KATNB1: variants seen among roughly 807,000 people sequenced by gnomAD.
The protein encoded by KATNB1 is katanin regulatory subunit B1.
Under a neutral mutation model 82.3 loss-of-function variants are expected in KATNB1, and 38 were observed. That is an observed-to-expected ratio of 0.46 (90% CI 0.36 to 0.61). KATNB1 has a LOEUF of 0.61. KATNB1 is among the 20% of genes least tolerant of loss of function. The probability of loss-of-function intolerance (pLI) is 0.00; values close to 1 mark genes in which losing one functional copy is unlikely to be tolerated. For synonymous variants in KATNB1, 361 were observed against 368.7 expected (o/e 0.98, Z 0.24); for missense variants, 749 against 915.7 (o/e 0.82, Z 2.35).
At chr16:57,739,628 T>TGC (rs1313653194) in intron 2 of KATNB1, among the ~76,000 whole-genome samples, 2 of 152,200 alleles carry the variant, frequency 1.3e-5, no homozygotes, top group Non-Finnish European at 2.9e-5. Flanking sequence ...TGCAGGTGCC[T>TGC]GTGCTGTGTC....
chr16:57,754,530 G>T (rs1224296131), intron 13 of KATNB1, among the ~76,000 whole-genome samples: 1 of 152,188 alleles, frequency 6.6e-6, no homozygotes, highest in Non-Finnish European at 1.5e-5. Flanking sequence ...GTTGGAGAAC[G>T]GGCAGGCATG....
At chr16:57,755,593 G>A (rs1489383157) in intron 16 of KATNB1, 99 bp downstream of exon 16, 7 of 1,464,436 alleles carry the variant, frequency 4.8e-6, no homozygotes, top group Non-Finnish European at 6.5e-6. Flanking sequence ...CACCCATGGG[G>A]GACAGTGTGG....
chr16:57,738,961 G>A (rs972039134), intron 2 of KATNB1, among the ~76,000 whole-genome samples: 4 of 144,730 alleles, frequency 2.8e-5, no homozygotes, highest in Non-Finnish European at 6.1e-5. Context: ...TAGCTGGGGG[G>A]TAGGGGTAGG....
intron 2 of KATNB1, 131 bp from the exon 3 acceptor site, chr16:57,741,556 G>T (rs531141747): frequency 2.8e-5 from 26 of 926,968 alleles, no homozygotes; most frequent in Admixed American, 6.8e-5. Context: ...GACACCAAAG[G>T]GGGAGCTGAA....
At chr16:57,753,549 C>T (rs781960514) in intron 12 of KATNB1, 30 bp downstream of exon 12, 10 of 1,608,576 alleles carry the variant, frequency 6.2e-6, no homozygotes, top group African/African-American at 1.3e-5. Flanking sequence ...CCCAGCCCAG[C>T]GTCCCCATCG....
At chr16:57,746,866 C>T (rs1490300864) in intron 4 of KATNB1, among the ~76,000 whole-genome samples, 1 of 152,092 alleles carries the variant, frequency 6.6e-6, no homozygotes, top group Non-Finnish European at 1.5e-5. Context: ...AAATAAGACC[C>T]GTTTGCCTGA....
chr16:57,739,924 G>A (rs1195811707), intron 2 of KATNB1, among the ~76,000 whole-genome samples: 2 of 152,090 alleles, frequency 1.3e-5, no homozygotes, highest in African/African-American at 4.8e-5. Flanking sequence ...GGCCCAGCCA[G>A]ACACTTTCCC....
In KATNB1 at chr16:57,751,736, C is replaced by T. The variant is rs782231856; in HGVS notation, c.516+12C>T. ...ACCACACCGTGAAGGTAGCTCCCGG[C>T]CTGACCTGGGCCCAGGGGCTGGGGG... On this transcript the variant is annotated intron_variant, in intron 7 of 19. Transcript: ENST00000379661. This position sits in a 1 kb window ranked among gnomAD's most constrained non-coding sequence, Gnocchi z 6.3. The T allele has an allele frequency of 2.5e-6, 4 of 1,607,552 alleles. No homozygotes were observed. The African/African-American group carries it at 5.3e-5, about 21-fold the overall frequency.
chr16:57,755,858 T>C lies in KATNB1; in HGVS notation c.1584T>C (p.Ala528=). ...MGDIKTSVDS[A]VAINDLSVVV... ...TTGCACAGACGTCGGTGGACTCCGC[T>C]GTGGCCATCAACGACCTGTCGGTGG... Residue 528 remains alanine (A), a synonymous_variant, in exon 17 of 20, where the codon GCT becomes GCC. Coordinates refer to ENST00000379661, the MANE Select transcript of KATNB1 (RefSeq NM_005886.3). 2 of 1,593,842 alleles carry C rather than the reference T, an allele frequency of 1.3e-6. No individual in the cohort carries two copies. The highest frequency in any genetic ancestry group is 1.7e-6 in the Non-Finnish European group (2 of 1,164,424).
Position 57,752,945 on chromosome 16 carries a change from A to G in KATNB1, c.855+17A>G. 6.3e-7 allele frequency: 1 copy of G among 1,599,456 alleles called. No individual in the cohort carries two copies. Among genetic ancestry groups the G allele is most frequent in the Non-Finnish European group, 8.5e-7 (1 of 1,178,868 alleles). ...GACCAGTTGGTGAGAGAGCCATGGC[A>G]CCCACCGCCCCCCACTCCCACAGGG... On this transcript the variant is annotated intron_variant, in intron 10 of 19. Transcript: ENST00000379661.
chr16:57,754,586 G>A (rs1043459337), intron 13 of KATNB1, among the ~76,000 whole-genome samples: 2 of 152,152 alleles, frequency 1.3e-5, no homozygotes, highest in South Asian at 2.1e-4. Flanking sequence ...CTCAGGGACC[G>A]TCCTTGCCGT....
chr16:57,752,911 A>T lies in KATNB1; in HGVS notation c.838A>T (p.Ile280Phe). ...VNWGKVADLA[I>F]CNDQLIGVAF... ...CTGGGGCAAGGTGGCCGACCTGGCC[A>T]TCTGCAATGACCAGTTGGTGAGAGA... Residue 280 changes from isoleucine (I) to phenylalanine (F), a missense_variant, in exon 10 of 20, where the codon ATC becomes TTC. By Grantham distance (21) the Ile-to-Phe change is conservative. Transcript: ENST00000379661. 1 of 1,604,538 alleles carries T rather than the reference A, an allele frequency of 6.2e-7. No homozygotes were observed. The highest frequency in any genetic ancestry group is 8.5e-7 in the Non-Finnish European group (1 of 1,179,760).
intron 3 of KATNB1, among the ~76,000 whole-genome samples, chr16:57,743,224 C>T (rs60415148): frequency 0.065 from 9,928 of 152,212 alleles, 384 homozygotes; most frequent in South Asian, 0.091. Context: ...ACCTGGGAGA[C>T]GGAGGTTGCA....
Position 57,756,897 on chromosome 16 carries a change from A to G in KATNB1, c.1919A>G (p.His640Arg), listed in dbSNP as rs545870830. 19 of 1,553,606 alleles carry G rather than the reference A, an allele frequency of 1.2e-5. No homozygotes were observed. In the South Asian group the frequency reaches 2.1e-4, roughly 17 times the overall value. Residue 640 changes from histidine to arginine, a missense_variant, in exon 20 of 20, where the codon CAT becomes CGT. By Grantham distance (29) the His-to-Arg change is conservative. Transcript: ENST00000379661. ...AGCAAGTCAGGCCTGAGCGGCCGCC[A>G]TGGCAGTACCTTCCGCGAGCTGCAC... ...VKSKSGLSGR[H>R]GSTFRELHLL...
At chr16:57,737,843 G>A (rs2049112774) in intron 2 of KATNB1, among the ~76,000 whole-genome samples, 1 of 152,136 alleles carries the variant, frequency 6.6e-6, no homozygotes, top group Non-Finnish European at 1.5e-5. Flanking sequence ...CATACTTTAA[G>A]AATTATTGAG....
At chr16:57,740,523 G>A (rs1443078489) in intron 2 of KATNB1, among the ~76,000 whole-genome samples, 4 of 152,234 alleles carry the variant, frequency 2.6e-5, no homozygotes, top group Non-Finnish European at 4.4e-5. Flanking sequence ...TTTCCTTGGC[G>A]TCACCCACGC....
In KATNB1 at chr16:57,754,911, C is replaced by G. The variant is rs1555585074; in HGVS notation, c.1229-19C>G. The G allele has an allele frequency of 6.2e-7, 1 of 1,613,882 alleles. No individual in the cohort carries two copies. Among genetic ancestry groups the G allele is most frequent in the Admixed American group, 1.7e-5 (1 of 60,030 alleles). ...GGCCCTTCTGGCCGGACCCAGTCAT[C>G]TTTTCCTTTTGCCTCCAGACGCAGC... is the stretch of plus-strand genomic sequence containing the variant. On this transcript the variant is annotated intron_variant, in intron 13 of 19. Transcript: ENST00000379661.
In KATNB1 at chr16:57,744,872, G is replaced by A. The variant is rs143958844; in HGVS notation, c.289+361G>A. ...TCACATGAATGAGTGAGGTGGCTGC[G>A]TGGGACAGCCATGAAGAACCGGGGA... On this transcript the variant is annotated intron_variant, in intron 4 of 19. Transcript: ENST00000379661. Among the ~76,000 whole-genome samples the A allele has an allele frequency of 8.3e-3, 1,265 of 152,230 alleles. 29 individuals carry two copies. Among genetic ancestry groups the A allele is most frequent in the East Asian group, 0.042 (215 of 5,176 alleles).
chr16:57,738,318 C>T (rs1292704064), intron 2 of KATNB1, among the ~76,000 whole-genome samples: 1 of 149,826 alleles, frequency 6.7e-6, no homozygotes, highest in Non-Finnish European at 1.5e-5. Flanking sequence ...TACAGTGGTG[C>T]AATCTCAGCT....
Sources: gnomAD v4.1 joint callset for allele counts (sites outside exome capture counted in the v4.1 genomes callset) on GRCh38, gnomAD v4.1.1 for gene constraint, Gnocchi (gnomAD v3.1) non-coding constraint, MANE v1.5 for transcripts, NCBI Gene and HGNC (gene_info 2026-07-23, HGNC 2026-07-21) for gene names.